OGDHL: variants seen among roughly 807,000 people sequenced by gnomAD.
OGDHL encodes 2-oxoglutarate dehydrogenase-like, mitochondrial.
Under a neutral mutation model 109.6 loss-of-function variants are expected in OGDHL, and 79 were observed. That is an observed-to-expected ratio of 0.72 (90% CI 0.60 to 0.87). OGDHL has a LOEUF of 0.87. Ranked by LOEUF, OGDHL falls within the 40% of genes least tolerant of loss-of-function variation. OGDHL has a pLI of 0.00. For missense variants in OGDHL, 1,275 were observed against 1,362.2 expected (o/e 0.94, Z 1.01); for synonymous variants, 528 against 537.2 (o/e 0.98, Z 0.24).
At position 49,734,819 on chromosome 10, in the gene OGDHL, T is replaced by C; in HGVS notation, c.*409A>G. On this transcript the variant is annotated 3_prime_UTR_variant, in exon 23 of 23. Coordinates refer to ENST00000374103, the MANE Select transcript of OGDHL (RefSeq NM_018245.3). ...TGGCTGTTACTGCTGAACTCCCTAC[T>C]TCTAAGAGCACAGAAGAGAACATCG... The C allele has an allele frequency of 6.4e-6, 1 of 156,368 alleles. No individual in the cohort carries two copies. The highest frequency in any genetic ancestry group is 1.4e-5 in the Non-Finnish European group (1 of 70,976). The allele number at this position is 156,368 out of a possible 1,614,324, so 9.7% of individuals were successfully genotyped here.
At chr10:49,742,450 C>T (rs1211157794) in intron 15 of OGDHL, among the ~76,000 whole-genome samples, 24 of 2,696 alleles carry the variant, frequency 8.9e-3, no homozygotes, top group African/African-American at 0.015. Flanking sequence ...AAACACACCA[C>T]ACACACGCAC....
Position 49,748,742 on chromosome 10 carries a change from C to CCACACACACACACA in OGDHL, c.987+970_987+983dup, listed in dbSNP as rs3223401. Among the ~76,000 whole-genome samples, 654 of 133,926 alleles carry CCACACACACACACA rather than the reference C, an allele frequency of 4.9e-3. 7 individuals carry two copies. The highest frequency in any genetic ancestry group is 7.8e-3 in the Middle Eastern group (2 of 258). 87.9% of individuals were successfully genotyped at this position (133,926 alleles called of 152,430 possible). ...GGGATAGGAGCCAGTAGGTATGGGT[C>CCACACACACACACA]CACACACACACACACACACACACAC... On this transcript the variant is annotated intron_variant, in intron 8 of 22. Coordinates refer to ENST00000374103, the MANE Select transcript of OGDHL (RefSeq NM_018245.3).
chr10:49,738,110 T>C lies in OGDHL; in HGVS notation c.2392-38A>G, dbSNP rs780072032. 1.5e-5 allele frequency: 24 copies of C among 1,613,998 alleles called. No homozygotes were observed. The East Asian group carries it at 2.5e-4, about 16-fold the overall frequency. ...GATGCATATGGCCAGGGTGGCTGTC[T>C]GCTGCACCCACACCCTGGACCCCTA... On this transcript the variant is annotated intron_variant, in intron 18 of 22. Transcript: ENST00000374103.
At position 49,739,961 on chromosome 10, in the gene OGDHL, C is replaced by A. The variant is rs537332803; in HGVS notation, c.2141-122G>T. 1.6e-5 allele frequency: 16 copies of A among 1,007,704 alleles called. No homozygotes were observed. In the Admixed American group the frequency reaches 2.7e-4, roughly 17 times the overall value. 62.4% of individuals were successfully genotyped at this position (1,007,704 alleles called of 1,614,324 possible). Reference sequence around the variant, plus strand: ...CACCCATCCTTCTCACAAGCCAGGACGAACCCAGGGATTCCCTGGGATTCA... The same window carrying A: ...CACCCATCCTTCTCACAAGCCAGGAAGAACCCAGGGATTCCCTGGGATTCA... On this transcript the variant is annotated intron_variant, in intron 16 of 22. Coordinates refer to ENST00000374103, the MANE Select transcript of OGDHL (RefSeq NM_018245.3).
chr10:49,749,937 G>A (rs1258180), intron 7 of OGDHL, 121 bp from the exon 8 acceptor site: 535,143 of 755,410 alleles, frequency 0.71, 191,437 homozygotes, highest in East Asian at 0.94. Context: ...CCCTCCTCAG[G>A]CCACCCAATC....
chr10:49,757,548 G>A (rs969040434), intron 2 of OGDHL, among the ~76,000 whole-genome samples: 2 of 152,188 alleles, frequency 1.3e-5, no homozygotes, highest in African/African-American at 2.4e-5. Context: ...GGTGCAAGAT[G>A]ATGAAGGTGT....
intron 15 of OGDHL, among the ~76,000 whole-genome samples, chr10:49,742,388 ACCCC>A (rs1564531717): frequency 5.0e-4 from 1 of 1,988 alleles, no homozygotes; most frequent in Non-Finnish European, 1.1e-3. Flanking sequence ...TACACACCAC[ACCCC>A]CACACACACC....
intron 1 of OGDHL, 117 bp from the exon 2 acceptor site, chr10:49,758,710 G>C (rs1398785409): frequency 1.9e-6 from 2 of 1,028,202 alleles, no homozygotes; most frequent in African/African-American, 3.2e-5. Context: ...ATGGTGCTGG[G>C]CTAGGCAGTG....
Position 49,744,238 on chromosome 10 carries a change from G to A in OGDHL, c.1733-116C>T, listed in dbSNP as rs370551950. On this transcript the variant is annotated intron_variant, in intron 13 of 22. Coordinates refer to ENST00000374103, the MANE Select transcript of OGDHL (RefSeq NM_018245.3). ...GGCTTCCCAAACTCCACCGGCACTC[G>A]GACTCACCCTGAGCCCACCCTTGGG... 851 of 1,354,084 alleles carry A rather than the reference G, an allele frequency of 6.3e-4. 17 individuals are homozygous for A. The East Asian group carries it at 0.015, about 23-fold the overall frequency. The allele number at this position is 1,354,084 out of a possible 1,614,324, so 83.9% of individuals were successfully genotyped here.
In OGDHL at chr10:49,735,201, C is replaced by A. The variant is rs771552999; in HGVS notation, c.*27G>T. The A allele has an allele frequency of 1.3e-6, 2 of 1,591,990 alleles. No homozygotes were observed. The highest frequency in any genetic ancestry group is 3.4e-5 in the Admixed American group (2 of 58,294). On this transcript the variant is annotated 3_prime_UTR_variant, in exon 23 of 23. Coordinates refer to ENST00000374103, the MANE Select transcript of OGDHL (RefSeq NM_018245.3). Reference sequence around the variant, plus strand: ...CCCTTGGTCCCCAGCAAACCCACAGCGAGACCTACACAGGTTTTGCCCAGC... The same window carrying A: ...CCCTTGGTCCCCAGCAAACCCACAGAGAGACCTACACAGGTTTTGCCCAGC...
In OGDHL at chr10:49,758,421, C is replaced by T. The variant is rs755900436; in HGVS notation, c.172G>A (p.Ala58Thr). 15 of 1,613,426 alleles carry T rather than the reference C, an allele frequency of 9.3e-6. No homozygotes were observed. The highest frequency in any genetic ancestry group is 6.7e-5 in the Admixed American group (4 of 59,996). ...ACACTCTGGGGGTTTTCCAACCAGG[C>T]GAAGTACATCTCCTCCATGTAACTG... The part of the protein sequence containing the change: ...GSSYMEEMYF[A>T]WLENPQSVHK... The change falls in exon 2 of 23, where the codon GCC (alanine) becomes ACC (threonine). Residue 58 changes from alanine to threonine, a missense_variant. Ala to Thr is a moderately conservative substitution (Grantham distance 58). Coordinates refer to ENST00000374103, the MANE Select transcript of OGDHL (RefSeq NM_018245.3).
At chr10:49,756,343 A>T (rs150873558) in intron 3 of OGDHL, among the ~76,000 whole-genome samples, 1 of 152,306 alleles carries the variant, frequency 6.6e-6, no homozygotes, top group African/African-American at 2.4e-5. Context: ...GGTGGGGGAG[A>T]ATTGTTTACT....
intron 10 of OGDHL, among the ~76,000 whole-genome samples, chr10:49,746,359 A>C (rs1349936271): frequency 6.6e-6 from 1 of 152,206 alleles, no homozygotes; most frequent in Non-Finnish European, 1.5e-5. Flanking sequence ...CAGGATGTTC[A>C]AGGACGATGA....
rs779193128 is a variant in OGDHL at position 49,746,805 on chromosome 10, C to A, written c.1241G>T (p.Ser414Ile). ...ATTGGTCGTGTAGGAGGGCAGGTCG[C>A]TCAGGTGGAAGGTCTCATATACCAC... Reference protein sequence around the residue: ...QGVVYETFHLSDLPSYTTNGT... With the variant: ...QGVVYETFHLIDLPSYTTNGT... The change falls in exon 10 of 23, where the codon AGC becomes ATC. Residue 414 changes from serine to isoleucine, a missense_variant. Ser to Ile is a moderately radical substitution (Grantham distance 142). Coordinates refer to ENST00000374103, the MANE Select transcript of OGDHL (RefSeq NM_018245.3). The A allele has an allele frequency of 5.6e-6, 9 of 1,614,100 alleles. No individual in the cohort carries two copies. In the Admixed American group the frequency reaches 1.5e-4, roughly 27 times the overall value.
chr10:49,739,580 G>A (rs919742623), intron 17 of OGDHL, 81 bp downstream of exon 17: 21 of 1,523,416 alleles, frequency 1.4e-5, no homozygotes, highest in African/African-American at 2.7e-5. Context: ...CGTCCAACCC[G>A]ACAAGGGGCC....
At position 49,742,993 on chromosome 10, in the gene OGDHL, T is replaced by G. The variant is rs773632546; in HGVS notation, c.1862-15A>C. On this transcript the variant is annotated splice_polypyrimidine_tract_variant and intron_variant, in intron 14 of 22. Transcript: ENST00000374103. ...GCGAGAGAGGCCTGTGGGAAAGGAG[T>G]GCTGGCCTGAGGGCCAAGGGACAGC... The G allele has an allele frequency of 1.2e-6, 2 of 1,610,268 alleles. No individual in the cohort carries two copies. The highest frequency in any genetic ancestry group is 1.7e-6 in the Non-Finnish European group (2 of 1,179,492).
intron 4 of OGDHL, 72 bp from the exon 5 acceptor site, chr10:49,752,320 C>G: frequency 8.8e-7 from 1 of 1,140,860 alleles, no homozygotes; most frequent in Non-Finnish European, 1.3e-6. Context: ...GGTGGAGCCC[C>G]GCAGTCTCAC....
At chr10:49,753,526 C>T (rs1295072774) in intron 3 of OGDHL, among the ~76,000 whole-genome samples, 2 of 152,176 alleles carry the variant, frequency 1.3e-5, no homozygotes, top group African/African-American at 4.8e-5. Flanking sequence ...ACTAATGGAA[C>T]ATTCCCTAAA....
rs1490050508 is a variant in OGDHL at position 49,751,862 on chromosome 10, C to T, written c.714G>A (p.Lys238=). 1 of 1,614,048 alleles carries T rather than the reference C, an allele frequency of 6.2e-7. No homozygotes were observed. Among genetic ancestry groups the T allele is most frequent in the Non-Finnish European group, 8.5e-7 (1 of 1,180,044 alleles). ...PGVMQFSSEE[K]RTLLARLVRS... ...GCACTAGCCGGGCCAGCAGGGTCCG[C>T]TTCTCCTCGCTGGAGAACTGCATCA... Residue 238 remains lysine (K), a synonymous_variant, in exon 6 of 23, where the codon AAG becomes AAA. Transcript: ENST00000374103.
Sources: gnomAD v4.1 joint callset for allele counts (sites outside exome capture counted in the v4.1 genomes callset) on GRCh38, gnomAD v4.1.1 for gene constraint, MANE v1.5 for transcripts, NCBI Gene and HGNC (gene_info 2026-07-23, HGNC 2026-07-21) for gene names.